Variants in IKBKB observed in about 807,000 individuals in gnomAD.
IKBKB encodes the protein inhibitor of nuclear factor kappa-B kinase subunit beta.
In IKBKB, 42 loss-of-function variants were observed where a neutral mutation model predicts 113.6. The observed-to-expected ratio is 0.37, with a 90% CI of 0.29 to 0.48. IKBKB has a LOEUF of 0.48. IKBKB is among the 20% of genes least tolerant of loss of function. The pLI is 0.99. For missense variants in IKBKB, 673 were observed against 939.7 expected (o/e 0.72, Z 3.71); for synonymous variants, 296 against 361.3 (o/e 0.82, Z 2.05).
At chr8:42,277,489 G>A (rs1392832444) in intron 2 of IKBKB, among the ~76,000 whole-genome samples, 1 of 152,046 alleles carries the variant, frequency 6.6e-6, no homozygotes, top group Admixed American at 6.6e-5. Flanking sequence ...CGCCTGGCCT[G>A]TTATTTATTT....
chr8:42,271,314 C>T lies in IKBKB; in HGVS notation c.-174C>T. ...GCCAACGTGCTCCGTGACGTCAGAG[C>T]AGGAAGTGTTTGAGGAAGTCGCGCC... is the stretch of plus-strand genomic sequence containing the variant. On this transcript the variant is annotated 5_prime_UTR_variant, in exon 1 of 22. Transcript: ENST00000520810. 1 of 955,088 alleles carries T rather than the reference C, an allele frequency of 1.0e-6. No homozygotes were observed. The highest frequency in any genetic ancestry group is 2.0e-5 in the Admixed American group (1 of 50,154). 59.2% of individuals were successfully genotyped at this position (955,088 alleles called of 1,614,324 possible).
Position 42,298,241 on chromosome 8 carries a change from C to T in IKBKB, c.388+4729C>T, listed in dbSNP as rs560871297. The T allele has an allele frequency of 1.3e-5, 13 of 985,376 alleles. No individual in the cohort carries two copies. In the African/African-American group the frequency reaches 1.6e-4, roughly 12 times the overall value. The allele number at this position is 985,376 out of a possible 1,614,324, so 61.0% of individuals were successfully genotyped here. ...CCTGATGGGGTGTGGCTCTGCTGGG[C>T]GGGCCTGGGTCTTATCAGATCTTAG... On this transcript the variant is annotated intron_variant, in intron 5 of 21. Transcript: ENST00000520810.
In IKBKB at chr8:42,290,139, G is replaced by A. The variant is rs200703112; in HGVS notation, c.201-17G>A. ...GCAGGAGCCTGGGTCTGCTCTCATCGGTTTTCCTCCTCCTAGGCTGACCCA... is the reference window on the plus strand; with the variant it reads ...GCAGGAGCCTGGGTCTGCTCTCATCAGTTTTCCTCCTCCTAGGCTGACCCA... On this transcript the variant is annotated splice_polypyrimidine_tract_variant and intron_variant, in intron 3 of 21. Coordinates refer to ENST00000520810, the MANE Select transcript of IKBKB (RefSeq NM_001556.3). 2.1e-5 allele frequency: 34 copies of A among 1,591,344 alleles called. 2 individuals carry two copies. In the African/African-American group the frequency reaches 2.8e-4, roughly 13 times the overall value.
At chr8:42,281,312 A>T (rs1810333491) in intron 2 of IKBKB, among the ~76,000 whole-genome samples, 1 of 152,090 alleles carries the variant, frequency 6.6e-6, no homozygotes, top group South Asian at 2.1e-4. Context: ...GCGGTCGTTT[A>T]TTCCCGGCTC....
rs529744541 is a variant in IKBKB, at chr8:42,287,292, G to A, written c.106-1342G>A. ...AGGAGCCACCGCTGAGGATGCTGCTGGTTACCTCGATAGAGGTTAAAGCCC... is the reference window on the plus strand; with the variant it reads ...AGGAGCCACCGCTGAGGATGCTGCTAGTTACCTCGATAGAGGTTAAAGCCC... On this transcript the variant is annotated intron_variant, in intron 2 of 21. Transcript: ENST00000520810. Among the ~76,000 whole-genome samples the A allele has an allele frequency of 2.0e-3, 308 of 152,350 alleles. 1 individual carries two copies. Among genetic ancestry groups the A allele is most frequent in the African/African-American group, 7.2e-3 (298 of 41,576 alleles).
chr8:42,322,291 A>G, intron 18 of IKBKB, 56 bp from the exon 19 acceptor site: 1 of 1,608,590 alleles, frequency 6.2e-7, no homozygotes, highest in Non-Finnish European at 8.5e-7. Context: ...CAGCTGCCAC[A>G]GGTTCTGCTT....
chr8:42,308,834 C>A, intron 7 of IKBKB, 67 bp from the exon 8 acceptor site: 12 of 1,508,030 alleles, frequency 8.0e-6, no homozygotes, highest in Non-Finnish European at 1.1e-5. Context: ...GATGGGCTGG[C>A]CGCCCCCTCC....
chr8:42,314,183 C>T lies in IKBKB; in HGVS notation c.693-139C>T, dbSNP rs565117667. 45 of 703,370 alleles carry T rather than the reference C, an allele frequency of 6.4e-5. No homozygotes were observed. The East Asian group carries it at 1.1e-3, about 18-fold the overall frequency. The allele number at this position is 703,370 out of a possible 1,614,324, so 43.6% of individuals were successfully genotyped here. ...AGGAGCAATAGGGTGTACGATACAG[C>T]CTAGGTCTGTAGTAGGCTAAACCAT... On this transcript the variant is annotated intron_variant, in intron 8 of 21. Transcript: ENST00000520810.
At chr8:42,330,286 T>C in intron 21 of IKBKB, 1 of 984,504 alleles carries the variant, frequency 1.0e-6, no homozygotes, top group African/African-American at 1.7e-5. Context: ...GTAACTTAGC[T>C]TAAGAGTACC....
At chr8:42,292,820 T>C (rs913850781) in intron 4 of IKBKB, among the ~76,000 whole-genome samples, 1 of 152,212 alleles carries the variant, frequency 6.6e-6, no homozygotes, top group Admixed American at 6.5e-5. Context: ...CTCTCACAGC[T>C]GTGTGAGCTG....
intron 18 of IKBKB, 76 bp downstream of exon 18, chr8:42,322,229 C>CT: frequency 1.3e-6 from 2 of 1,554,196 alleles, no homozygotes; most frequent in Non-Finnish European, 1.8e-6. Flanking sequence ...TCCCTCCTCT[C>CT]TGATTCGCTG....
chr8:42,284,181 C>T (rs151216469), intron 2 of IKBKB, among the ~76,000 whole-genome samples: 4 of 152,306 alleles, frequency 2.6e-5, no homozygotes, highest in Non-Finnish European at 5.9e-5. Context: ...AAGGCATCAT[C>T]ATAGGGTGAA....
At chr8:42,304,183 T>C (rs1293594401) in intron 5 of IKBKB, among the ~76,000 whole-genome samples, 1 of 152,232 alleles carries the variant, frequency 6.6e-6, no homozygotes, top group Non-Finnish European at 1.5e-5. Flanking sequence ...TTTTATCCAG[T>C]GTTTAGTCTG....
chr8:42,275,711 A>G (rs1251040904), intron 2 of IKBKB, among the ~76,000 whole-genome samples: 1 of 152,160 alleles, frequency 6.6e-6, no homozygotes, highest in Non-Finnish European at 1.5e-5. Context: ...GGTTGATTAC[A>G]TATTTTGGCT....
chr8:42,326,258 T>C (rs1820717706), intron 20 of IKBKB, 161 bp downstream of exon 20: 2 of 823,506 alleles, frequency 2.4e-6, no homozygotes, highest in Admixed American at 2.9e-5. Context: ...GTGATACATG[T>C]TTGGCTCTCA....
intron 2 of IKBKB, among the ~76,000 whole-genome samples, chr8:42,272,839 C>T (rs1808081572): frequency 6.7e-6 from 1 of 149,260 alleles, no homozygotes; most frequent in Non-Finnish European, 1.5e-5. Flanking sequence ...ACTTGGGAGG[C>T]TGAGGCAGGA....
chr8:42,292,038 T>C (rs2130339231), intron 4 of IKBKB, among the ~76,000 whole-genome samples: 1 of 152,308 alleles, frequency 6.6e-6, no homozygotes, highest in East Asian at 1.9e-4. Flanking sequence ...GAGATAGGCA[T>C]GTCCTGGGAG....
At chr8:42,281,799 C>G (rs1460739113) in intron 2 of IKBKB, among the ~76,000 whole-genome samples, 1 of 152,206 alleles carries the variant, frequency 6.6e-6, no homozygotes, top group Non-Finnish European at 1.5e-5. Flanking sequence ...GCCCCCATGT[C>G]CACAGTGGCC....
At position 42,331,078 on chromosome 8, in the gene IKBKB, G is replaced by A. The variant is rs201847975; in HGVS notation, c.*99G>A. 2.7e-5 allele frequency: 42 copies of A among 1,567,168 alleles called. No homozygotes were observed. The highest frequency in any genetic ancestry group is 4.0e-5 in the African/African-American group (3 of 74,088). On this transcript the variant is annotated 3_prime_UTR_variant, in exon 22 of 22. Coordinates refer to ENST00000520810, the MANE Select transcript of IKBKB (RefSeq NM_001556.3). ...GACATGGGGCTGCCTGGAGCAGGCCGCGTGACGTGGGGCTGCCTGGCCGCG... is the reference window on the plus strand; with the variant it reads ...GACATGGGGCTGCCTGGAGCAGGCCACGTGACGTGGGGCTGCCTGGCCGCG...
Sources: gnomAD v4.1 joint callset for allele counts (sites outside exome capture counted in the v4.1 genomes callset) on GRCh38, gnomAD v4.1.1 for gene constraint, MANE v1.5 for transcripts, NCBI Gene and HGNC (gene_info 2026-07-23, HGNC 2026-07-21) for gene names.